Variants in EYA2 observed in about 807,000 individuals in gnomAD.
EYA2 encodes protein phosphatase EYA2.
Under a neutral mutation model 69.2 loss-of-function variants are expected in EYA2, and 31 were observed. That is an observed-to-expected ratio of 0.45 (90% confidence interval 0.34 to 0.60). EYA2 has a LOEUF of 0.60. Ranked by LOEUF, EYA2 falls within the 20% of genes least tolerant of loss-of-function variation. EYA2 has a pLI of 0.02. For synonymous variants in EYA2, 257 were observed against 279.4 expected (o/e 0.92, Z 0.80); for missense variants, 622 against 701.2 (o/e 0.89, Z 1.28).
intron 1 of EYA2, among the ~76,000 whole-genome samples, chr20:46,960,262 T>C (rs769706868): frequency 4.3e-4 from 66 of 152,098 alleles, no homozygotes; most frequent in Non-Finnish European, 8.4e-4. Flanking sequence ...ATCCCCATTT[T>C]ACAGTGGAGG....
chr20:47,002,980 C>T (rs1272972922), intron 3 of EYA2, among the ~76,000 whole-genome samples: 1 of 152,210 alleles, frequency 6.6e-6, no homozygotes, highest in Non-Finnish European at 1.5e-5. Context: ...TGTGAGGCCT[C>T]AGGTGGAAGA....
Position 47,125,513 on chromosome 20 carries a change from T to TA in EYA2, c.889-17538dup, listed in dbSNP as rs577459820. On this transcript the variant is annotated intron_variant, in intron 9 of 15. Coordinates refer to ENST00000327619, the MANE Select transcript of EYA2 (RefSeq NM_005244.5). ...TCAGCATCATTTTCTTGTCTTCCTC[T>TA]AAAAAAAATTTTTTTAAACAAGCTG... Among the ~76,000 whole-genome samples, 400 of 152,270 alleles carry TA rather than the reference T, an allele frequency of 2.6e-3. 2 individuals are homozygous for TA. Among genetic ancestry groups the TA allele is most frequent in the African/African-American group, 8.8e-3 (367 of 41,556 alleles).
intron 1 of EYA2, among the ~76,000 whole-genome samples, chr20:46,953,331 C>T (rs1978915708): frequency 6.6e-6 from 1 of 152,126 alleles, no homozygotes; most frequent in Non-Finnish European, 1.5e-5. Context: ...GTTATGGAAC[C>T]TCAGTGCTAA....
intron 9 of EYA2, among the ~76,000 whole-genome samples, chr20:47,119,600 G>A (rs748812652): frequency 6.6e-6 from 1 of 152,230 alleles, no homozygotes; most frequent in African/African-American, 2.4e-5. Context: ...GAAATACCCA[G>A]AAGAGGTCAA....
At chr20:47,021,766 G>A (rs1271548666) in intron 5 of EYA2, among the ~76,000 whole-genome samples, 1 of 151,976 alleles carries the variant, frequency 6.6e-6, no homozygotes, top group Non-Finnish European at 1.5e-5. Context: ...ACATAGAATC[G>A]TGCAATTCAG....
chr20:46,994,696 G>A (rs1200280245), intron 2 of EYA2, among the ~76,000 whole-genome samples: 1 of 152,048 alleles, frequency 6.6e-6, no homozygotes, highest in Non-Finnish European at 1.5e-5. Context: ...CACCTTTAAG[G>A]CTTTTGTAGC....
intron 4 of EYA2, among the ~76,000 whole-genome samples, chr20:47,012,296 G>A (rs375638212): frequency 2.6e-5 from 4 of 152,180 alleles, no homozygotes; most frequent in African/African-American, 4.8e-5. Flanking sequence ...AGATGCCTGC[G>A]GAGTAGCAGG....
Position 47,183,328 on chromosome 20 carries a change from C to T in EYA2, c.1473C>T (p.Phe491=), listed in dbSNP as rs142770401. The T allele has an allele frequency of 2.5e-4, 410 of 1,614,014 alleles. No individual in the cohort carries two copies. Among genetic ancestry groups the T allele is most frequent in the Middle Eastern group, 6.6e-4 (4 of 6,062 alleles). The change falls in exon 15 of 16, where the codon TTC becomes TTT. Residue 491 remains phenylalanine (F), a synonymous_variant. Coordinates refer to ENST00000327619, the MANE Select transcript of EYA2 (RefSeq NM_005244.5). The part of the protein sequence containing the change: ...ESCFERIMQR[F]GRKAVYVVIG... Reference sequence around the variant, plus strand: ...GCTTCGAGAGGATAATGCAGAGATTCGGCAGAAAAGCTGTCTACGTGGTGA... The same window carrying T: ...GCTTCGAGAGGATAATGCAGAGATTTGGCAGAAAAGCTGTCTACGTGGTGA...
chr20:46,998,901 T>C (rs1379770104), intron 2 of EYA2, among the ~76,000 whole-genome samples: 2 of 152,158 alleles, frequency 1.3e-5, no homozygotes, highest in Non-Finnish European at 2.9e-5. Flanking sequence ...CAAATGCCTG[T>C]TTCTCGCTTG....
chr20:47,068,289 A>T (rs1442571559), intron 5 of EYA2, among the ~76,000 whole-genome samples: 1 of 152,258 alleles, frequency 6.6e-6, no homozygotes, highest in Non-Finnish European at 1.5e-5. Context: ...TAATGAACTA[A>T]TTAATGGCCT....
At chr20:47,078,327 G>GCACACACACA (rs1249113834) in intron 7 of EYA2, among the ~76,000 whole-genome samples, 1,921 of 77,976 alleles carry the variant, frequency 0.025, 20 homozygotes, top group East Asian at 0.094. Context: ...GTGCGCGCGC[G>GCACACACACA]CGCGCACACA....
intron 10 of EYA2, chr20:47,161,242 A>G: frequency 1.9e-6 from 1 of 525,798 alleles, no homozygotes. Flanking sequence ...ACATGGGGAC[A>G]ATGGAGAGCT....
intron 5 of EYA2, among the ~76,000 whole-genome samples, chr20:47,017,355 G>T (rs1229926913): frequency 1.3e-5 from 2 of 152,210 alleles, no homozygotes; most frequent in African/African-American, 4.8e-5. Flanking sequence ...ATGTTGCCCA[G>T]ACTGGGCTCA....
chr20:47,042,919 CA>C (rs1459713135), intron 5 of EYA2, among the ~76,000 whole-genome samples: 11 of 152,134 alleles, frequency 7.2e-5, no homozygotes, highest in Non-Finnish European at 2.9e-5. Flanking sequence ...CTCTTGGCTG[CA>C]AGGGAGATAG....
At chr20:46,922,161 A>C (rs920076333) in intron 1 of EYA2, among the ~76,000 whole-genome samples, 6 of 152,208 alleles carry the variant, frequency 3.9e-5, no homozygotes, top group African/African-American at 1.4e-4. Flanking sequence ...TTCAGTTTGG[A>C]GAACAGTTTT....
intron 9 of EYA2, among the ~76,000 whole-genome samples, chr20:47,139,322 A>G (rs2033544509): frequency 6.6e-6 from 1 of 152,226 alleles, no homozygotes; most frequent in Admixed American, 6.5e-5. Context: ...CTACAAAGGA[A>G]TATATATGGA....
intron 9 of EYA2, among the ~76,000 whole-genome samples, chr20:47,101,825 A>G (rs893491305): frequency 1.3e-5 from 2 of 152,184 alleles, no homozygotes; most frequent in Non-Finnish European, 2.9e-5. Flanking sequence ...AGTGACTGAG[A>G]TGAGACCTAC....
At chr20:46,924,196 A>G (rs576093221) in intron 1 of EYA2, among the ~76,000 whole-genome samples, 6 of 152,326 alleles carry the variant, frequency 3.9e-5, no homozygotes, top group African/African-American at 1.4e-4. Context: ...AGTCAATTCA[A>G]AGAAAATATT....
At chr20:46,993,514 TGAAAG>T (rs1981820568) in intron 2 of EYA2, among the ~76,000 whole-genome samples, 1 of 152,200 alleles carries the variant, frequency 6.6e-6, no homozygotes, top group Admixed American at 6.5e-5. Flanking sequence ...TCTTTCCTAA[TGAAAG>T]GAACTGCCCC....
Sources: allele counts gnomAD v4.1 joint callset (sites outside exome capture counted in the v4.1 genomes callset), GRCh38; gene constraint gnomAD v4.1.1; transcripts MANE v1.5; gene names NCBI Gene and HGNC (gene_info 2026-07-23, HGNC 2026-07-21).